CACHD1: variants seen among roughly 807,000 people sequenced by gnomAD.
CACHD1 encodes cache domain containing 1.
Under a neutral mutation model 138.7 loss-of-function variants are expected in CACHD1, and 71 were observed. The observed-to-expected ratio is 0.51, with a 90% CI of 0.42 to 0.62. The LOEUF is 0.62. Ranked by LOEUF, CACHD1 falls within the 20% of genes least tolerant of loss-of-function variation. The pLI is 0.00. For missense variants in CACHD1, 1,389 were observed against 1,625.3 expected, an observed-to-expected ratio of 0.85 and a Z score of 2.50; for synonymous variants, 578 against 591.5, an observed-to-expected ratio of 0.98 and a Z score of 0.33.
chr1:64,577,861 A>G (rs911493210), intron 2 of CACHD1, among the ~76,000 whole-genome samples: 2 of 152,160 alleles, frequency 1.3e-5, no homozygotes, highest in Non-Finnish European at 2.9e-5. Context: ...TATTCTTGGT[A>G]CTTTCTGTCT....
At chr1:64,670,471 A>G (rs1431039010) in intron 16 of CACHD1, among the ~76,000 whole-genome samples, 8 of 152,226 alleles carry the variant, frequency 5.3e-5, no homozygotes, top group South Asian at 4.1e-4. Context: ...AGAAAGTCCT[A>G]TGTTGGGTAA....
At chr1:64,499,313 G>A (rs1646324320) in intron 1 of CACHD1, among the ~76,000 whole-genome samples, 1 of 152,168 alleles carries the variant, frequency 6.6e-6, no homozygotes, top group South Asian at 2.1e-4. Flanking sequence ...TCTAGCAACT[G>A]GAACAATACG....
At chr1:64,629,296 C>T (rs1216710307) in intron 4 of CACHD1, 59 bp from the exon 5 acceptor site, 2 of 1,567,260 alleles carry the variant, frequency 1.3e-6, no homozygotes, top group Non-Finnish European at 1.7e-6. Context: ...GCCTGAGGAG[C>T]AGTGCCTGCA....
chr1:64,534,336 G>A (rs531742775), intron 1 of CACHD1, among the ~76,000 whole-genome samples: 3 of 152,182 alleles, frequency 2.0e-5, no homozygotes, highest in Admixed American at 1.3e-4. Flanking sequence ...GAGCCACCGC[G>A]CCCGGCCATC....
At chr1:64,541,567 G>A (rs1646677412) in intron 1 of CACHD1, among the ~76,000 whole-genome samples, 1 of 152,182 alleles carries the variant, frequency 6.6e-6, no homozygotes, top group Non-Finnish European at 1.5e-5. Context: ...CAGCACTTTG[G>A]GAGGCTGAAG....
chr1:64,590,775 A>G (rs1330549453), intron 3 of CACHD1, among the ~76,000 whole-genome samples: 1 of 152,162 alleles, frequency 6.6e-6, no homozygotes, highest in East Asian at 1.9e-4. Context: ...ATTTGCAGCT[A>G]CTATGGTGCA....
In CACHD1 at chr1:64,686,582, G is replaced by A. The variant is rs1466668653; in HGVS notation, c.3586+4476G>A. 2.6e-5 allele frequency among the ~76,000 whole-genome samples: 4 copies of A among 152,278 alleles called. No homozygotes were observed. In the East Asian group the frequency reaches 7.7e-4, roughly 29 times the overall value. On this transcript the variant is annotated intron_variant, in intron 26 of 26. Transcript: ENST00000651257. Reference sequence around the variant, plus strand: ...GGTTAGAAACAATTACTACCTGTGTGTGTTTTCAACTATCTATCTGCTTTG... The same window carrying A: ...GGTTAGAAACAATTACTACCTGTGTATGTTTTCAACTATCTATCTGCTTTG...
At chr1:64,496,881 A>T (rs575561478) in intron 1 of CACHD1, among the ~76,000 whole-genome samples, 1 of 148,092 alleles carries the variant, frequency 6.8e-6, no homozygotes, top group Admixed American at 6.7e-5. Flanking sequence ...AAAAAAAAAG[A>T]AAGAAAAAGA....
intron 26 of CACHD1, among the ~76,000 whole-genome samples, chr1:64,687,520 G>T (rs576913751): frequency 6.6e-6 from 1 of 152,226 alleles, no homozygotes; most frequent in African/African-American, 2.4e-5. Context: ...AGAGATGGGG[G>T]TGCCATCCTG....
intron 1 of CACHD1, among the ~76,000 whole-genome samples, chr1:64,486,377 C>CACACACACACACACACATACACAT (rs1646242923): frequency 1.3e-5 from 2 of 150,886 alleles, no homozygotes; most frequent in African/African-American, 4.9e-5. Context: ...CATACACACA[C>CACACACACACACACACATACACAT]ACACACACAC....
chr1:64,624,955 A>G (rs1447967377), intron 4 of CACHD1, among the ~76,000 whole-genome samples: 1 of 152,186 alleles, frequency 6.6e-6, no homozygotes, highest in African/African-American at 2.4e-5. Context: ...TTGTAAATAA[A>G]CTTGTATTGG....
intron 21 of CACHD1, 135 bp from the exon 22 acceptor site, chr1:64,676,760 T>C (rs572737874): frequency 6.2e-6 from 4 of 640,410 alleles, no homozygotes; most frequent in African/African-American, 5.5e-5. Flanking sequence ...GTTAAGTGAT[T>C]GATACAAGGT....
chr1:64,615,588 G>A (rs1309152672), intron 4 of CACHD1, among the ~76,000 whole-genome samples: 1 of 152,132 alleles, frequency 6.6e-6, no homozygotes, highest in African/African-American at 2.4e-5. Context: ...AATTCTTATT[G>A]AAAGAAAGAA....
At chr1:64,613,754 G>C (rs557919612) in intron 4 of CACHD1, among the ~76,000 whole-genome samples, 1 of 152,138 alleles carries the variant, frequency 6.6e-6, no homozygotes, top group East Asian at 1.9e-4. Context: ...GCTCAGAGTA[G>C]ATGTCCCCAC....
chr1:64,681,543 T>TTTTTTTTTG (rs1557555738), intron 25 of CACHD1, among the ~76,000 whole-genome samples: 20 of 101,966 alleles, frequency 2.0e-4, no homozygotes, highest in Admixed American at 1.3e-3. Context: ...TTTATTGTGT[T>TTTTTTTTTG]TTTTTTTTTT....
At chr1:64,619,031 A>G (rs1647815736) in intron 4 of CACHD1, among the ~76,000 whole-genome samples, 1 of 152,142 alleles carries the variant, frequency 6.6e-6, no homozygotes. Context: ...CCCAACAAAA[A>G]TCCATCTTTT....
At chr1:64,540,168 A>G (rs1013264774) in intron 1 of CACHD1, among the ~76,000 whole-genome samples, 1 of 152,134 alleles carries the variant, frequency 6.6e-6, no homozygotes, top group African/African-American at 2.4e-5. Context: ...AGACCTAAGC[A>G]TTTGTGTGCA....
intron 24 of CACHD1, 81 bp downstream of exon 24, chr1:64,679,837 C>A: frequency 6.7e-7 from 1 of 1,483,096 alleles, no homozygotes; most frequent in South Asian, 1.3e-5. Flanking sequence ...CTCTAAGGAA[C>A]TGTCAGAACA....
chr1:64,487,195 T>C (rs1190129345), intron 1 of CACHD1, among the ~76,000 whole-genome samples: 1 of 152,156 alleles, frequency 6.6e-6, no homozygotes, highest in Non-Finnish European at 1.5e-5. Flanking sequence ...GAGTTGGCTT[T>C]TGCTTAGAAG....
Sources: gnomAD v4.1 joint callset for allele counts (sites outside exome capture counted in the v4.1 genomes callset) on GRCh38, gnomAD v4.1.1 for gene constraint, MANE v1.5 for transcripts, NCBI Gene and HGNC (gene_info 2026-07-23, HGNC 2026-07-21) for gene names.